CFAP47: variants seen among roughly 807,000 people sequenced by gnomAD.
The protein encoded by CFAP47 is cilia and flagella associated protein 47.
CFAP47 carries 29 observed loss-of-function variants against 148.1 expected under a neutral mutation model. That is an observed-to-expected ratio of 0.20 (90% confidence interval 0.15 to 0.27). The LOEUF is 0.27. Ranked by LOEUF, CFAP47 falls within the 10% of genes least tolerant of loss-of-function variation. The probability of loss-of-function intolerance (pLI) is 1.00; values close to 1 mark genes in which losing one functional copy is unlikely to be tolerated. For missense variants in CFAP47, 1,872 were observed against 1,697.5 expected (o/e 1.10, Z -1.81); for synonymous variants, 664 against 577.3 (o/e 1.15, Z -2.15).
At chrX:35,996,477 C>G (rs1018125682) in intron 18 of CFAP47, among the ~76,000 whole-genome samples, 12 of 110,715 alleles carry the variant, frequency 1.1e-4, no homozygotes, top group Admixed American at 9.7e-4. Context: ...AATACACTCG[C>G]TTTACTTTCT....
intron 48 of CFAP47, among the ~76,000 whole-genome samples, chrX:36,249,130 AG>A (rs1205038925): frequency 9.1e-6 from 1 of 110,385 alleles, no homozygotes; most frequent in Admixed American, 9.8e-5. Context: ...TTAAGTAACT[AG>A]AAAAACAAGC....
At chrX:35,989,545 G>T (rs1936761831) in intron 16 of CFAP47, 96 bp downstream of exon 16, 1 of 1,198,289 alleles carries the variant, frequency 8.3e-7, no homozygotes, top group Admixed American at 2.2e-5. Flanking sequence ...AGAATTAACT[G>T]TAAAACCCAA....
chrX:35,939,634 T>G (rs1242156360), intron 2 of CFAP47, among the ~76,000 whole-genome samples: 1 of 81,336 alleles, frequency 1.2e-5, no homozygotes, highest in Non-Finnish European at 2.4e-5. Flanking sequence ...TCATCATTTT[T>G]TATGGCTGCA....
At chrX:36,082,278 A>G (rs1177182692) in intron 29 of CFAP47, among the ~76,000 whole-genome samples, 1 of 110,925 alleles carries the variant, frequency 9.0e-6, no homozygotes, top group African/African-American at 3.3e-5. Flanking sequence ...TACTTCCTTT[A>G]TAATTAATGA....
chrX:36,296,231 T>G (rs1941241078), intron 51 of CFAP47, among the ~76,000 whole-genome samples: 1 of 112,313 alleles, frequency 8.9e-6, no homozygotes, highest in Non-Finnish European at 1.9e-5. Context: ...CTGTAGAATA[T>G]TATGACACTT....
At chrX:36,092,235 A>G (rs916226738) in intron 30 of CFAP47, among the ~76,000 whole-genome samples, 9 of 111,566 alleles carry the variant, frequency 8.1e-5, no homozygotes, top group South Asian at 3.7e-4. Flanking sequence ...ATATAATCAG[A>G]GTCTGCAATT....
intron 33 of CFAP47, among the ~76,000 whole-genome samples, chrX:36,129,958 G>C (rs1243020125): frequency 2.7e-5 from 3 of 111,315 alleles, no homozygotes; most frequent in Non-Finnish European, 5.7e-5. Context: ...AGGAAAATAA[G>C]TAAATGACCC....
rs782689905 is a variant in CFAP47 at position 36,382,684 on chromosome X, C to T, written c.9355-2113C>T. On this transcript the variant is annotated intron_variant, in intron 63 of 63. Transcript: ENST00000378653. ...TTTGGTTATTCAGTCCATGAGATCACGGACTTTGGGTGATCTCTTTTCAGA... is the reference window on the plus strand; with the variant it reads ...TTTGGTTATTCAGTCCATGAGATCATGGACTTTGGGTGATCTCTTTTCAGA... Among the ~76,000 whole-genome samples, 24 of 111,230 alleles carry T rather than the reference C, an allele frequency of 2.2e-4. No individual in the cohort carries two copies. The South Asian group carries it at 6.1e-3, about 28-fold the overall frequency.
chrX:35,959,917 T>A (rs1936301455), intron 8 of CFAP47, among the ~76,000 whole-genome samples: 1 of 109,369 alleles, frequency 9.1e-6, no homozygotes, highest in Non-Finnish European at 1.9e-5. Flanking sequence ...TGTTATTTTT[T>A]GTAAATGGCA....
At chrX:36,093,699 T>A (rs995341049) in intron 30 of CFAP47, among the ~76,000 whole-genome samples, 1 of 110,861 alleles carries the variant, frequency 9.0e-6, no homozygotes, top group Admixed American at 9.5e-5. Context: ...ATAAAAATTT[T>A]AAAAAGAAAC....
At chrX:36,156,745 A>C (rs754300579) in intron 37 of CFAP47, among the ~76,000 whole-genome samples, 108 of 111,478 alleles carry the variant, frequency 9.7e-4, no homozygotes, top group African/African-American at 3.3e-3. Context: ...ACTTACTCTA[A>C]GTAGACTACA....
At chrX:36,068,520 T>A (rs1263538446) in intron 27 of CFAP47, among the ~76,000 whole-genome samples, 1 of 112,142 alleles carries the variant, frequency 8.9e-6, no homozygotes, top group African/African-American at 3.2e-5. Context: ...CATAAAAGAA[T>A]GGGTTATATG....
At chrX:36,250,603 T>C (rs1469054494) in intron 48 of CFAP47, among the ~76,000 whole-genome samples, 1 of 110,478 alleles carries the variant, frequency 9.1e-6, no homozygotes, top group Non-Finnish European at 1.9e-5. Context: ...AGATAATGCA[T>C]AGATTAATTA....
At chrX:36,286,427 TA>T (rs11362020) in intron 51 of CFAP47, among the ~76,000 whole-genome samples, 12,971 of 97,679 alleles carry the variant, frequency 0.13, 659 homozygotes, top group East Asian at 0.27. Context: ...AAATAGAAAG[TA>T]AAAAAAAAAA....
intron 49 of CFAP47, among the ~76,000 whole-genome samples, chrX:36,276,815 G>C (rs1941023025): frequency 8.9e-6 from 1 of 112,272 alleles, no homozygotes; most frequent in Non-Finnish European, 1.9e-5. Context: ...ATGTCCAGAA[G>C]TAACTGAGAA....
At chrX:36,025,701 T>C (rs956548173) in intron 22 of CFAP47, among the ~76,000 whole-genome samples, 2 of 112,225 alleles carry the variant, frequency 1.8e-5, no homozygotes, top group African/African-American at 6.5e-5. Flanking sequence ...TGATTGCTCA[T>C]GAGGATGAGA....
In CFAP47 at chrX:36,383,569, A is replaced by C. The variant is rs183461770; in HGVS notation, c.9355-1228A>C. ...TACGAAGTAAAATTTTTTTTTACCC[A>C]GTCGTATTATGCTCCTTGGTTTGGT... On this transcript the variant is annotated intron_variant, in intron 63 of 63. Transcript: ENST00000378653. Among the ~76,000 whole-genome samples, 9 of 111,884 alleles carry C rather than the reference A, an allele frequency of 8.0e-5. 1 individual carries two copies. In the East Asian group the frequency reaches 2.5e-3, roughly 31 times the overall value.
Position 35,996,063 on chromosome X carries a change from A to G in CFAP47, c.3100-1249A>G, listed in dbSNP as rs1406712248. Among the ~76,000 whole-genome samples, 3 of 110,903 alleles carry G rather than the reference A, an allele frequency of 2.7e-5. No homozygotes were observed. In the Admixed American group the frequency reaches 2.9e-4, roughly 11 times the overall value. On this transcript the variant is annotated intron_variant, in intron 18 of 63. Coordinates refer to ENST00000378653, the MANE Select transcript of CFAP47 (RefSeq NM_001304548.2). ...GCATTTATGAGGAGTGATGTTGTCC[A>G]GGGTGTAGTTTAAGTCTCTAGAGAT...
At chrX:36,044,438 A>C (rs1250084410) in intron 25 of CFAP47, among the ~76,000 whole-genome samples, 2 of 112,690 alleles carry the variant, frequency 1.8e-5, no homozygotes, top group Non-Finnish European at 3.7e-5. Context: ...CATACAACTG[A>C]ATGCTTTCAG....
Sources: gnomAD v4.1 joint callset for allele counts (sites outside exome capture counted in the v4.1 genomes callset) on GRCh38, gnomAD v4.1.1 for gene constraint, MANE v1.5 for transcripts, NCBI Gene and HGNC (gene_info 2026-07-23, HGNC 2026-07-21) for gene names.